Variants in ABTB3 observed in about 807,000 individuals in gnomAD.
The protein encoded by ABTB3 is ankyrin repeat- and BTB/POZ domain-containing protein 3.
At chr12:107,610,494 G>A in the ABTB3 span, 5 of 923,662 alleles carry the variant, frequency 5.4e-6, no homozygotes, top group Non-Finnish European at 7.9e-6. Flanking sequence ...TTGCTTGCTT[G>A]CTTGTGTTTT....
At chr12:107,433,105 G>A in the ABTB3 span, among the ~76,000 whole-genome samples, 26 of 151,060 alleles carry the variant, frequency 1.7e-4, no homozygotes, top group Admixed American at 1.2e-3. Context: ...CTAACAAGGT[G>A]AAACCCCGTC....
the ABTB3 span, among the ~76,000 whole-genome samples, chr12:107,330,458 G>T: frequency 1.3e-5 from 2 of 152,144 alleles, no homozygotes; most frequent in Non-Finnish European, 2.9e-5. Flanking sequence ...AATAAGTAGA[G>T]AACTCAATTT....
At chr12:107,500,598 C>A in the ABTB3 span, among the ~76,000 whole-genome samples, 1 of 152,230 alleles carries the variant, frequency 6.6e-6, no homozygotes, top group African/African-American at 2.4e-5. Context: ...CTCTCAACCC[C>A]TGCCTTCTAC....
the ABTB3 span, among the ~76,000 whole-genome samples, chr12:107,439,789 A>G: frequency 2.3e-3 from 352 of 152,286 alleles, 3 homozygotes; most frequent in African/African-American, 8.0e-3. Context: ...CAAGGCCACA[A>G]ACATACCCAT....
chr12:107,525,964 A>AAT, the ABTB3 span, among the ~76,000 whole-genome samples: 1 of 152,340 alleles, frequency 6.6e-6, no homozygotes, highest in African/African-American at 2.4e-5. Flanking sequence ...AGTGGCAGTC[A>AAT]TAATTAAAAT....
chr12:107,539,182 A>T, the ABTB3 span, among the ~76,000 whole-genome samples: 3 of 152,076 alleles, frequency 2.0e-5, no homozygotes, highest in Non-Finnish European at 4.4e-5. Context: ...TGCTCAGCAT[A>T]TTGGGGCTTC....
At chr12:107,557,653 C>T in the ABTB3 span, among the ~76,000 whole-genome samples, 1 of 152,170 alleles carries the variant, frequency 6.6e-6, no homozygotes, top group Non-Finnish European at 1.5e-5. Context: ...AGATAATATT[C>T]ATCAAATTAT....
At chr12:107,487,174 T>C in the ABTB3 span, among the ~76,000 whole-genome samples, 150 of 152,178 alleles carry the variant, frequency 9.9e-4, 1 homozygote, top group African/African-American at 3.5e-3. Context: ...AGAGAAGGGG[T>C]CACCTTCTTG....
chr12:107,560,308 T>C, the ABTB3 span, among the ~76,000 whole-genome samples: 1 of 152,230 alleles, frequency 6.6e-6, no homozygotes, highest in Non-Finnish European at 1.5e-5. Flanking sequence ...AGTAGTCAGC[T>C]TGTAGTAGAG....
At chr12:107,320,577 G>A in the ABTB3 span, 1 of 456,122 alleles carries the variant, frequency 2.2e-6, no homozygotes, top group East Asian at 7.0e-5. Flanking sequence ...GGAAGGAGGG[G>A]CCTGGCGGCC....
chr12:107,581,800 C>A, the ABTB3 span, among the ~76,000 whole-genome samples: 5 of 152,168 alleles, frequency 3.3e-5, no homozygotes, highest in Admixed American at 3.3e-4. Flanking sequence ...ACTCAGGGGC[C>A]CCCATGCGTG....
chr12:107,345,321 G>A, the ABTB3 span, among the ~76,000 whole-genome samples: 2 of 152,240 alleles, frequency 1.3e-5, no homozygotes, highest in South Asian at 2.1e-4. Context: ...CATAAGGCAA[G>A]TGGATGCTCC....
At chr12:107,526,212 C>T in the ABTB3 span, among the ~76,000 whole-genome samples, 6 of 152,216 alleles carry the variant, frequency 3.9e-5, no homozygotes, top group African/African-American at 9.6e-5. Flanking sequence ...AACTCAGGGA[C>T]GTAGAGCTGA....
chr12:107,546,797 G>A, the ABTB3 span, among the ~76,000 whole-genome samples: 12 of 152,102 alleles, frequency 7.9e-5, no homozygotes, highest in African/African-American at 9.7e-5. Context: ...CCCAGGAGGC[G>A]GAGGTAGCAG....
the ABTB3 span, among the ~76,000 whole-genome samples, chr12:107,480,866 A>G: frequency 2.2e-3 from 337 of 152,352 alleles, 1 homozygote; most frequent in Middle Eastern, 6.8e-3. Flanking sequence ...CTGCAGGAAC[A>G]CTGCCTGCAT....
chr12:107,324,393 C>G, the ABTB3 span, among the ~76,000 whole-genome samples: 1 of 152,082 alleles, frequency 6.6e-6, no homozygotes, highest in Non-Finnish European at 1.5e-5. Context: ...TTTGGGGAGG[C>G]TGAGGCAGGA....
At chr12:107,648,380 C>CCACACACAAACACACACACACACACA in the ABTB3 span, among the ~76,000 whole-genome samples, 1 of 140,100 alleles carries the variant, frequency 7.1e-6, no homozygotes, top group South Asian at 2.4e-4. Context: ...GACCCCATCT[C>CCACACACAAACACACACACACACACA]CACACACACA....
the ABTB3 span, among the ~76,000 whole-genome samples, chr12:107,441,774 C>CAAAAAAAAAAAAAAAAAAAAAA: frequency 1.0e-4 from 8 of 80,042 alleles, no homozygotes; most frequent in African/African-American, 4.0e-4. Context: ...CTTGTCTCTA[C>CAAAAAAAAAAAAAAAAAAAAAA]AAAAAAAAAA....
chr12:107,503,872 T>A, the ABTB3 span, among the ~76,000 whole-genome samples: 1 of 143,730 alleles, frequency 7.0e-6, no homozygotes, highest in Admixed American at 6.9e-5. Context: ...CTTCTTGGGG[T>A]GGAAGGGGTG....
Sources: allele counts gnomAD v4.1 joint callset (sites outside exome capture counted in the v4.1 genomes callset), GRCh38; gene constraint gnomAD v4.1.1; transcripts MANE v1.5; gene names NCBI Gene and HGNC (gene_info 2026-07-23, HGNC 2026-07-21).